ASCC2: variants seen among roughly 807,000 people sequenced by gnomAD.
ASCC2 encodes the protein ASC-1 complex subunit P100.
Under a neutral mutation model 93.5 loss-of-function variants are expected in ASCC2, and 42 were observed. That is an observed-to-expected ratio of 0.45 (90% CI 0.35 to 0.58). The LOEUF is 0.58. Ranked by LOEUF, ASCC2 falls within the 20% of genes least tolerant of loss-of-function variation. The pLI is 0.00. For missense variants in ASCC2, 859 were observed against 977.6 expected, an observed-to-expected ratio of 0.88 and a Z score of 1.62; for synonymous variants, 364 against 384.2, an observed-to-expected ratio of 0.95 and a Z score of 0.62.
intron 15 of ASCC2, among the ~76,000 whole-genome samples, chr22:29,797,137 G>A (rs1220493426): frequency 1.3e-5 from 2 of 152,200 alleles, no homozygotes; most frequent in Non-Finnish European, 2.9e-5. Flanking sequence ...AAAGCCAGCT[G>A]GGAAAAGATG....
intron 6 of ASCC2, chr22:29,815,083 C>T: frequency 3.9e-6 from 1 of 254,096 alleles, no homozygotes; most frequent in South Asian, 4.2e-5. Flanking sequence ...TCATTTGAGG[C>T]CGGAAGTTCA....
In ASCC2 at chr22:29,789,108, G is replaced by A. The variant is rs1484973518; in HGVS notation, c.2179C>T (p.Arg727Cys). The A allele has an allele frequency of 2.2e-5, 35 of 1,614,002 alleles. No individual in the cohort carries two copies. The highest frequency in any genetic ancestry group is 2.7e-5 in the Non-Finnish European group (32 of 1,180,016). The change falls in exon 20 of 20, where the codon CGC becomes TGC. Residue 727 changes from arginine (R) to cysteine (C), a missense_variant. Physicochemically the swap from Arg to Cys is radical, Grantham distance 180 (BLOSUM62 -3). Coordinates refer to ENST00000307790, the MANE Select transcript of ASCC2 (RefSeq NM_032204.5). ...GCCTTGTTGGCTTCCTTCTTCCTGC[G>A]TTCCTGGGTTGTCTCGCGGCTCTGC... The part of the protein sequence containing the change: ...HGQSRETTQE[R>C]RKKEANKATR...
intron 5 of ASCC2, among the ~76,000 whole-genome samples, chr22:29,816,415 G>A (rs1191126512): frequency 2.0e-5 from 3 of 152,194 alleles, no homozygotes; most frequent in Non-Finnish European, 4.4e-5. Context: ...TGCCTCCTAT[G>A]ACAGCTTTGG....
chr22:29,810,735 A>AT (rs767387998), intron 8 of ASCC2, among the ~76,000 whole-genome samples: 2,227 of 144,890 alleles, frequency 0.015, 64 homozygotes, highest in East Asian at 0.14. Flanking sequence ...ATTCTTTGTA[A>AT]TTTTTTTTTT....
At chr22:29,804,271 T>G (rs73392894) in intron 13 of ASCC2, among the ~76,000 whole-genome samples, 2,782 of 152,282 alleles carry the variant, frequency 0.018, 88 homozygotes, top group African/African-American at 0.064. Flanking sequence ...GGCCAAACCA[T>G]GGGACTTGGC....
At chr22:29,811,842 T>C (rs773127178) in intron 8 of ASCC2, among the ~76,000 whole-genome samples, 3 of 152,186 alleles carry the variant, frequency 2.0e-5, no homozygotes, top group Non-Finnish European at 4.4e-5. Flanking sequence ...AATGGGAAAA[T>C]GCCTATGATA....
chr22:29,790,413 G>C, intron 19 of ASCC2, 56 bp downstream of exon 19: 1 of 1,589,152 alleles, frequency 6.3e-7, no homozygotes, highest in Non-Finnish European at 8.6e-7. Context: ...TGGCTGGCTA[G>C]GCCCTCCCCA....
At chr22:29,822,525 G>C in intron 4 of ASCC2, 61 bp from the exon 5 acceptor site, 1 of 1,580,222 alleles carries the variant, frequency 6.3e-7, no homozygotes, top group Non-Finnish European at 8.6e-7. Context: ...ATTATAAATA[G>C]CAAACTCATG....
intron 2 of ASCC2, among the ~76,000 whole-genome samples, 174 bp downstream of exon 2, chr22:29,832,071 C>T (rs1404571367): frequency 6.6e-6 from 1 of 152,096 alleles, no homozygotes; most frequent in East Asian, 1.9e-4. Flanking sequence ...AGTTGCTGCT[C>T]GGAAGGAAAT....
chr22:29,800,680 A>C (rs1201502654), intron 15 of ASCC2, among the ~76,000 whole-genome samples: 2 of 152,222 alleles, frequency 1.3e-5, no homozygotes, highest in African/African-American at 4.8e-5. Context: ...ACTGTCCACC[A>C]GTGATTTGAT....
chr22:29,834,400 AC>A (rs995395240), intron 1 of ASCC2: 1 of 434,804 alleles, frequency 2.3e-6, no homozygotes, highest in African/African-American at 2.1e-5. Flanking sequence ...TACCCAAGGA[AC>A]CTTGGTTCTG....
chr22:29,802,346 G>A lies in ASCC2; in HGVS notation c.1354-138C>T, dbSNP rs1426740744. ...TACCCCTCCTGCCTGTGGGAACTTT[G>A]TCAAGTGACTCAAGTCTCTCTGAGC... On this transcript the variant is annotated intron_variant, in intron 13 of 19. Coordinates refer to ENST00000307790, the MANE Select transcript of ASCC2 (RefSeq NM_032204.5). 7 of 788,526 alleles carry A rather than the reference G, an allele frequency of 8.9e-6. No homozygotes were observed. The Admixed American group carries it at 1.7e-4, about 19-fold the overall frequency. 48.8% of individuals were successfully genotyped at this position (788,526 alleles called of 1,614,324 possible).
chr22:29,810,643 C>T (rs558908337), intron 8 of ASCC2, among the ~76,000 whole-genome samples: 2 of 152,318 alleles, frequency 1.3e-5, no homozygotes, highest in South Asian at 2.1e-4. Flanking sequence ...AATGTACATA[C>T]CATCTGTCCT....
chr22:29,832,162 A>C, intron 2 of ASCC2, 83 bp downstream of exon 2: 1 of 1,214,240 alleles, frequency 8.2e-7, no homozygotes. Flanking sequence ...TTCTTGGAAC[A>C]GATAAAGACG....
intron 15 of ASCC2, among the ~76,000 whole-genome samples, chr22:29,799,890 T>C (rs1275860860): frequency 6.6e-6 from 1 of 152,166 alleles, no homozygotes; most frequent in Non-Finnish European, 1.5e-5. Flanking sequence ...TGGGCTTAAG[T>C]GATCTTACTG....
Position 29,838,203 on chromosome 22 carries a change from T to TGCCGCCGCCGCC in ASCC2, c.-55_-44dup, listed in dbSNP as rs3838960. ...CTCGGCGGCTCCACCACCGGCTCTGTGCCGCCGCCGCCGCCGCCGCCGCCG... is the reference window on the plus strand; with the variant it reads ...CTCGGCGGCTCCACCACCGGCTCTGTGCCGCCGCCGCCGCCGCCGCCGCCGCCGCCGCCGCCG... On this transcript the variant is annotated 5_prime_UTR_variant, in exon 1 of 20. Transcript: ENST00000307790. 0.013 allele frequency: 6,089 copies of TGCCGCCGCCGCC among 457,936 alleles called. 328 individuals carry two copies. Among genetic ancestry groups the TGCCGCCGCCGCC allele is most frequent in the Non-Finnish European group, 0.016 (3,747 of 227,984 alleles). The allele number at this position is 457,936 out of a possible 1,614,324, so 28.4% of individuals were successfully genotyped here. A position where few individuals can be genotyped will look rare whatever the true frequency, so the allele number is the denominator to read the frequency against.
At position 29,791,237 on chromosome 22, in the gene ASCC2, C is replaced by T. The variant is rs144624298; in HGVS notation, c.2023-689G>A. ...CAAAAACACATAAAAACTAGCCAGG[C>T]GTGGTGGTGTGAGCCCATAATCCCA... On this transcript the variant is annotated intron_variant, in intron 18 of 19. Transcript: ENST00000307790. 5.1e-3 allele frequency among the ~76,000 whole-genome samples: 777 copies of T among 152,014 alleles called. 14 individuals are homozygous for T. Among genetic ancestry groups the T allele is most frequent in the East Asian group, 0.024 (125 of 5,178 alleles).
At chr22:29,829,001 C>T (rs1265893638) in intron 2 of ASCC2, among the ~76,000 whole-genome samples, 2 of 152,078 alleles carry the variant, frequency 1.3e-5, no homozygotes, top group Non-Finnish European at 2.9e-5. Flanking sequence ...ACTGTGAAAT[C>T]CCATCTCTTA....
chr22:29,792,341 C>T, intron 18 of ASCC2, 92 bp downstream of exon 18: 2 of 1,558,478 alleles, frequency 1.3e-6, no homozygotes, highest in Non-Finnish European at 1.7e-6. Flanking sequence ...GGGGCTGCCT[C>T]AGGGCCAGAC....
Sources: gnomAD v4.1 joint callset for allele counts (sites outside exome capture counted in the v4.1 genomes callset) on GRCh38, gnomAD v4.1.1 for gene constraint, MANE v1.5 for transcripts, NCBI Gene and HGNC (gene_info 2026-07-23, HGNC 2026-07-21) for gene names.